EEPD1: variants seen among roughly 807,000 people sequenced by gnomAD.
EEPD1 encodes endonuclease/exonuclease/phosphatase family domain-containing protein 1.
In EEPD1, 17 loss-of-function variants were observed where a neutral mutation model predicts 46.3. The ratio of observed to expected loss-of-function variants is 0.37; its 90% CI spans 0.25 to 0.55. The LOEUF (loss-of-function observed/expected upper bound fraction) is 0.55, where lower values mean the gene tolerates loss of function less well. EEPD1 is among the 20% of genes least tolerant of loss of function. EEPD1 has a pLI of 0.83. For missense variants in EEPD1, 673 were observed against 745.6 expected (o/e 0.90, Z 1.13); for synonymous variants, 313 against 315.6 (o/e 0.99, Z 0.09).
intron 2 of EEPD1, among the ~76,000 whole-genome samples, chr7:36,236,324 C>T (rs1191862312): frequency 6.6e-6 from 1 of 152,220 alleles, no homozygotes; most frequent in East Asian, 1.9e-4. Context: ...CGCTGGCGGG[C>T]CACGGGTTCC....
chr7:36,238,028 T>A (rs1488057347), intron 2 of EEPD1, among the ~76,000 whole-genome samples: 5 of 152,082 alleles, frequency 3.3e-5, no homozygotes, highest in African/African-American at 1.2e-4. Context: ...TATTTATGAG[T>A]TTTCTAGGAA....
At position 36,155,210 on chromosome 7, in the gene EEPD1, C is replaced by T; in HGVS notation, c.878+8C>T. On this transcript the variant is annotated splice_region_variant and intron_variant, in intron 2 of 7. Transcript: ENST00000242108. ...GACACTCCTGGAAAACAGGTGAGGACAGGAACCACCATGGGTGTTGGGTGT... is the reference window on the plus strand; with the variant it reads ...GACACTCCTGGAAAACAGGTGAGGATAGGAACCACCATGGGTGTTGGGTGT... 4 of 1,509,924 alleles carry T rather than the reference C, an allele frequency of 2.6e-6. No individual in the cohort carries two copies. The highest frequency in any genetic ancestry group is 3.5e-6 in the Non-Finnish European group (4 of 1,128,674). 93.5% of individuals were successfully genotyped at this position (1,509,924 alleles called of 1,614,324 possible).
chr7:36,208,654 A>G (rs1055925714), intron 2 of EEPD1, among the ~76,000 whole-genome samples: 3 of 152,214 alleles, frequency 2.0e-5, no homozygotes, highest in Non-Finnish European at 4.4e-5. Context: ...CTGTTGGCTG[A>G]TGCCTGAGAC....
chr7:36,248,220 T>C (rs1786671835), intron 3 of EEPD1, among the ~76,000 whole-genome samples: 1 of 151,878 alleles, frequency 6.6e-6, no homozygotes, highest in Non-Finnish European at 1.5e-5. Context: ...TTTTTTTTTT[T>C]TTGAGACAGA....
chr7:36,191,263 A>T (rs1370716591), intron 2 of EEPD1, among the ~76,000 whole-genome samples: 1 of 152,232 alleles, frequency 6.6e-6, no homozygotes, highest in Non-Finnish European at 1.5e-5. Flanking sequence ...AAATAGGACA[A>T]GTAGATAGGT....
intron 2 of EEPD1, among the ~76,000 whole-genome samples, chr7:36,175,225 C>T (rs1408935970): frequency 6.6e-6 from 1 of 152,210 alleles, no homozygotes; most frequent in Non-Finnish European, 1.5e-5. Context: ...GGCAGCTTTA[C>T]ACTAAACTTG....
chr7:36,230,826 C>A (rs1329938284), intron 2 of EEPD1: 1 of 152,228 alleles, frequency 6.6e-6, no homozygotes, highest in Admixed American at 6.5e-5. Context: ...GTGCATACTG[C>A]ATAACCTTAG....
chr7:36,236,322 G>A (rs1446639535), intron 2 of EEPD1, among the ~76,000 whole-genome samples: 4 of 152,216 alleles, frequency 2.6e-5, no homozygotes, highest in African/African-American at 9.6e-5. Context: ...GGCGCTGGCG[G>A]GCCACGGGTT....
Position 36,158,080 on chromosome 7 carries a change from C to T in EEPD1, c.878+2878C>T, listed in dbSNP as rs374926925. On this transcript the variant is annotated intron_variant, in intron 2 of 7. Transcript: ENST00000242108. ...CAGCTTTCCCATTTACTTGATTTTCCTAGTAAGTCTGGGATGTAGGTAACA... is the reference window on the plus strand; with the variant it reads ...CAGCTTTCCCATTTACTTGATTTTCTTAGTAAGTCTGGGATGTAGGTAACA... Among the ~76,000 whole-genome samples, 499 of 152,266 alleles carry T rather than the reference C, an allele frequency of 3.3e-3. 25 individuals carry two copies. The South Asian group carries it at 0.1, about 31-fold the overall frequency.
intron 2 of EEPD1, among the ~76,000 whole-genome samples, chr7:36,202,664 A>G (rs1246367132): frequency 6.6e-6 from 1 of 152,156 alleles, no homozygotes; most frequent in African/African-American, 2.4e-5. Context: ...ACGTTTCTTG[A>G]ATGACTCGGT....
At chr7:36,224,087 C>G (rs1390068302) in intron 2 of EEPD1, among the ~76,000 whole-genome samples, 1 of 152,220 alleles carries the variant, frequency 6.6e-6, no homozygotes, top group Middle Eastern at 3.2e-3. Flanking sequence ...AATGGACTTT[C>G]CTGTGGAGCC....
At chr7:36,293,804 A>C (rs1315966638) in intron 6 of EEPD1, among the ~76,000 whole-genome samples, 1 of 152,100 alleles carries the variant, frequency 6.6e-6, no homozygotes, top group East Asian at 1.9e-4. Context: ...TCTCTACTAA[A>C]AATACAAAAA....
chr7:36,279,673 G>T (rs1369900726), intron 3 of EEPD1, among the ~76,000 whole-genome samples: 1 of 152,214 alleles, frequency 6.6e-6, no homozygotes, highest in Admixed American at 6.5e-5. Flanking sequence ...GACCTGGGCG[G>T]CCACAGCAGC....
At chr7:36,206,913 G>A (rs1359255383) in intron 2 of EEPD1, among the ~76,000 whole-genome samples, 1 of 152,216 alleles carries the variant, frequency 6.6e-6, no homozygotes, top group Non-Finnish European at 1.5e-5. Flanking sequence ...GCCAGGTGTG[G>A]TGGCGTGCAC....
chr7:36,300,497 A>AAAGT lies in EEPD1; in HGVS notation c.*1293_*1294insGTAA, dbSNP rs1787603650. 2.0e-5 allele frequency: 3 copies of AAAGT among 152,254 alleles called. No individual in the cohort carries two copies. Among genetic ancestry groups the AAAGT allele is most frequent in the Non-Finnish European group, 2.9e-5 (2 of 68,050 alleles). 9.4% of individuals were successfully genotyped at this position (152,254 alleles called of 1,614,324 possible). A position where few individuals can be genotyped will look rare whatever the true frequency, so the allele number is the denominator to read the frequency against. On this transcript the variant is annotated 3_prime_UTR_variant, in exon 8 of 8. Transcript: ENST00000242108. ...CAACTTTATGCTTAACATGAATGGA[A>AAAGT]AAATATGAAAGTAAATAGTGAAAAG...
At chr7:36,267,203 A>G (rs1011367283) in intron 3 of EEPD1, among the ~76,000 whole-genome samples, 5 of 152,208 alleles carry the variant, frequency 3.3e-5, no homozygotes, top group African/African-American at 1.2e-4. Context: ...CCCTTCTGCA[A>G]CTTGTACTCT....
chr7:36,197,269 C>CA (rs1785619703), intron 2 of EEPD1, among the ~76,000 whole-genome samples: 1 of 144,486 alleles, frequency 6.9e-6, no homozygotes, highest in Non-Finnish European at 1.5e-5. Flanking sequence ...CCCGGGCAGC[C>CA]GCCCCGTCCG....
chr7:36,192,623 A>T (rs1785480698), intron 2 of EEPD1, among the ~76,000 whole-genome samples: 1 of 152,190 alleles, frequency 6.6e-6, no homozygotes, highest in African/African-American at 2.4e-5. Flanking sequence ...GCAGAAATTT[A>T]CCCGGCGAAG....
chr7:36,252,829 CTTTTTTTTTTTTT>C (rs71553053), intron 3 of EEPD1, among the ~76,000 whole-genome samples: 6 of 54,850 alleles, frequency 1.1e-4, no homozygotes, highest in Admixed American at 2.7e-4. Flanking sequence ...GTGTTCTCTC[CTTTTTTTTTTTTT>C]TTTTTTTTTT....
Sources: gnomAD v4.1 joint callset for allele counts (sites outside exome capture counted in the v4.1 genomes callset) on GRCh38, gnomAD v4.1.1 for gene constraint, MANE v1.5 for transcripts, NCBI Gene and HGNC (gene_info 2026-07-23, HGNC 2026-07-21) for gene names.